The following PKIA variants were observed in gnomAD, a reference collection of about 807,000 sequenced individuals.
PKIA encodes PKI-alpha.
A neutral mutation model predicts 7.6 loss-of-function variants in PKIA; 4 were observed. That is an observed-to-expected ratio of 0.52 (90% CI 0.26 to 1.20). The LOEUF (loss-of-function observed/expected upper bound fraction) is 1.20. Ranked by LOEUF, PKIA falls within the 50% of genes most tolerant of loss-of-function variation. The probability of loss-of-function intolerance (pLI) is 0.13; values close to 1 mark genes in which losing one functional copy is unlikely to be tolerated. For synonymous variants in PKIA, 21 were observed against 30.7 expected, an observed-to-expected ratio of 0.68 and a Z score of 1.04; for missense variants, 73 against 86.2, an observed-to-expected ratio of 0.85 and a Z score of 0.61.
chr8:78,565,407 A>G lies in PKIA; in HGVS notation c.-156-7404A>G, dbSNP rs1040818010. 6.6e-5 allele frequency among the ~76,000 whole-genome samples: 10 copies of G among 152,116 alleles called. No homozygotes were observed. In the East Asian group the frequency reaches 1.7e-3, roughly 26 times the overall value. On this transcript the variant is annotated intron_variant, in intron 1 of 3. Coordinates refer to ENST00000396418, the MANE Select transcript of PKIA (RefSeq NM_006823.4). Reference sequence around the variant, plus strand: ...TGATATGAACACATCCACTATTTTAAAAACTCTTCAGTTATTGAATTATAA... The same window carrying G: ...TGATATGAACACATCCACTATTTTAGAAACTCTTCAGTTATTGAATTATAA...
At chr8:78,517,866 A>G (rs1032781239) in intron 1 of PKIA, among the ~76,000 whole-genome samples, 3 of 152,182 alleles carry the variant, frequency 2.0e-5, no homozygotes, top group Non-Finnish European at 4.4e-5. Context: ...CTGTGTGCCA[A>G]TGTTCTATTT....
chr8:78,564,909 C>A (rs938180920), intron 1 of PKIA, among the ~76,000 whole-genome samples: 6 of 151,744 alleles, frequency 4.0e-5, no homozygotes, highest in Admixed American at 3.9e-4. Flanking sequence ...TATTAAAAAT[C>A]AAACAAAAAT....
At chr8:78,557,966 ACT>A (rs1807184901) in intron 1 of PKIA, among the ~76,000 whole-genome samples, 2 of 152,256 alleles carry the variant, frequency 1.3e-5, no homozygotes, top group Admixed American at 6.5e-5. Context: ...TGTAAATTAG[ACT>A]CTAAGATGTC....
At chr8:78,543,338 C>T (rs1008925433) in intron 1 of PKIA, among the ~76,000 whole-genome samples, 2 of 152,138 alleles carry the variant, frequency 1.3e-5, no homozygotes, top group Admixed American at 6.6e-5. Context: ...CATCATCCAT[C>T]ATATCCTTCG....
intron 1 of PKIA, chr8:78,535,486 T>G (rs904618346): frequency 2.0e-5 from 3 of 151,964 alleles, no homozygotes; most frequent in African/African-American, 7.2e-5. Flanking sequence ...TTTTAACAAG[T>G]TCCTAGAAAA....
rs1807339120 is a variant in PKIA at position 78,563,751 on chromosome 8, CA to C, written c.-156-9058del. On this transcript the variant is annotated intron_variant, in intron 1 of 3. Coordinates refer to ENST00000396418, the MANE Select transcript of PKIA (RefSeq NM_006823.4). ...GTGGAAAAAAAATCTATAAAGATAA[CA>C]ATTTTGAGAAGGACAGATGTGAATG... 2.0e-5 allele frequency among the ~76,000 whole-genome samples: 3 copies of C among 151,934 alleles called. No homozygotes were observed. In the South Asian group the frequency reaches 6.2e-4, roughly 31 times the overall value.
intron 1 of PKIA, among the ~76,000 whole-genome samples, chr8:78,551,988 A>G (rs1806996149): frequency 6.6e-6 from 1 of 151,970 alleles, no homozygotes; most frequent in Non-Finnish European, 1.5e-5. Context: ...GTATGTCAGG[A>G]CAAGAAATAT....
chr8:78,532,817 A>G (rs1806422185), intron 1 of PKIA, among the ~76,000 whole-genome samples: 1 of 151,836 alleles, frequency 6.6e-6, no homozygotes, highest in Non-Finnish European at 1.5e-5. Context: ...TGGGAGGCTG[A>G]GGCATGAGAA....
At chr8:78,575,086 A>C (rs777808585) in intron 2 of PKIA, among the ~76,000 whole-genome samples, 3 of 151,982 alleles carry the variant, frequency 2.0e-5, no homozygotes, top group Non-Finnish European at 4.4e-5. Context: ...ATCTTCGGTA[A>C]CCGGGAAATT....
At chr8:78,559,042 C>A (rs569627202) in intron 1 of PKIA, among the ~76,000 whole-genome samples, 1 of 152,298 alleles carries the variant, frequency 6.6e-6, no homozygotes, top group African/African-American at 2.4e-5. Flanking sequence ...CTGCCTCAGC[C>A]TCCCGAGTAG....
chr8:78,576,953 T>C (rs1019742026), intron 2 of PKIA, among the ~76,000 whole-genome samples: 3 of 151,926 alleles, frequency 2.0e-5, no homozygotes, highest in Admixed American at 2.0e-4. Flanking sequence ...AATGATAGAC[T>C]GGATAAAGAA....
rs985976970 is a variant in PKIA, at chr8:78,605,095, G to A, written c.*3274G>A. 4 of 151,948 alleles carry A rather than the reference G, an allele frequency of 2.6e-5. No homozygotes were observed. Among genetic ancestry groups the A allele is most frequent in the African/African-American group, 9.7e-5 (4 of 41,406 alleles). The allele number at this position is 151,948 out of a possible 1,614,324, so 9.4% of individuals were successfully genotyped here. On this transcript the variant is annotated 3_prime_UTR_variant, in exon 4 of 4. Transcript: ENST00000396418. ...GGGAGAAAATGTGTAGTCATCAAGTGAAAATAGGAAAGGATCTATGATTTA... is the reference window on the plus strand; with the variant it reads ...GGGAGAAAATGTGTAGTCATCAAGTAAAAATAGGAAAGGATCTATGATTTA...
At chr8:78,593,037 T>C (rs73244959) in intron 2 of PKIA, among the ~76,000 whole-genome samples, 12,882 of 152,238 alleles carry the variant, frequency 0.085, 595 homozygotes, top group African/African-American at 0.11. Flanking sequence ...CTGAGACTTA[T>C]TTTCTCCATC....
At chr8:78,558,645 T>C (rs1200435981) in intron 1 of PKIA, 3 of 119,778 alleles carry the variant, frequency 2.5e-5, no homozygotes, top group African/African-American at 6.6e-5. Context: ...GGGTCCCTCC[T>C]GTGACATGTG....
At chr8:78,533,015 A>G (rs1806432971) in intron 1 of PKIA, among the ~76,000 whole-genome samples, 1 of 152,128 alleles carries the variant, frequency 6.6e-6, no homozygotes, top group South Asian at 2.1e-4. Context: ...AGTATCCTTG[A>G]AGCCTAGACC....
chr8:78,541,130 T>C (rs1480142334), intron 1 of PKIA, among the ~76,000 whole-genome samples: 1 of 152,146 alleles, frequency 6.6e-6, no homozygotes, highest in Admixed American at 6.6e-5. Context: ...CCATCTACTA[T>C]CATCGTCTAC....
intron 2 of PKIA, among the ~76,000 whole-genome samples, chr8:78,596,428 C>T (rs1488465524): frequency 1.3e-5 from 2 of 151,784 alleles, no homozygotes; most frequent in Middle Eastern, 3.2e-3. Context: ...TTAGTAGAGA[C>T]GGATTTCACC....
At chr8:78,526,903 C>T (rs533882135) in intron 1 of PKIA, among the ~76,000 whole-genome samples, 6 of 151,996 alleles carry the variant, frequency 3.9e-5, no homozygotes, top group South Asian at 2.1e-4. Flanking sequence ...GAAAAGCACA[C>T]AATTTTACAT....
chr8:78,599,447 G>T (rs749848100), intron 3 of PKIA, among the ~76,000 whole-genome samples: 1 of 152,140 alleles, frequency 6.6e-6, no homozygotes, highest in African/African-American at 2.4e-5. Context: ...CTGAGTCAGA[G>T]TATATGTATA....
Sources: gnomAD v4.1 joint callset for allele counts (sites outside exome capture counted in the v4.1 genomes callset) on GRCh38, gnomAD v4.1.1 for gene constraint, MANE v1.5 for transcripts, NCBI Gene and HGNC (gene_info 2026-07-23, HGNC 2026-07-21) for gene names.